TFB1M: variants seen among roughly 807,000 people sequenced by gnomAD.
TFB1M encodes the protein dimethyladenosine transferase 1, mitochondrial.
TFB1M carries 27 observed loss-of-function variants against 31.1 expected under a neutral mutation model. The ratio of observed to expected loss-of-function variants is 0.87; its 90% CI spans 0.64 to 1.20. The LOEUF is 1.20. TFB1M is among the 50% of genes most tolerant of loss of function. The probability of loss-of-function intolerance (pLI) is 0.00; values close to 1 mark genes in which losing one functional copy is unlikely to be tolerated. For missense variants in TFB1M, 394 were observed against 418.7 expected (o/e 0.94, Z 0.51); for synonymous variants, 166 against 151.8 (o/e 1.09, Z -0.69).
At chr6:155,282,378 T>C (rs550653102) in intron 5 of TFB1M, among the ~76,000 whole-genome samples, 3 of 152,274 alleles carry the variant, frequency 2.0e-5, no homozygotes, top group South Asian at 2.1e-4. Context: ...AGTTAAAAGA[T>C]TGAGAAACAG....
At chr6:155,241,747 A>T in the TFB1M span, among the ~76,000 whole-genome samples, 1 of 152,038 alleles carries the variant, frequency 6.6e-6, no homozygotes, top group African/African-American at 2.4e-5. Context: ...ATTTTCCATT[A>T]TGTCTTGTCC....
At chr6:155,305,145 T>C (rs1448014372) in intron 2 of TFB1M, among the ~76,000 whole-genome samples, 1 of 113,270 alleles carries the variant, frequency 8.8e-6, no homozygotes, top group African/African-American at 3.4e-5. Context: ...TATATTTATA[T>C]ATATAAATAT....
chr6:155,252,961 G>A (rs377260703), downstream of TFB1M: 59 of 1,613,946 alleles, frequency 3.7e-5, no homozygotes, highest in African/African-American at 4.1e-4. Flanking sequence ...TCGAATTCCC[G>A]GCCTGCACAC....
intron 5 of TFB1M, chr6:155,264,335 T>TA (rs1784525571): frequency 1.3e-5 from 2 of 152,206 alleles, no homozygotes; most frequent in Admixed American, 1.3e-4. Flanking sequence ...ATGCCTGTGA[T>TA]ATGATAATTA....
intron 4 of TFB1M, among the ~76,000 whole-genome samples, chr6:155,292,315 G>A (rs1776965051): frequency 1.3e-5 from 2 of 152,178 alleles, no homozygotes; most frequent in African/African-American, 4.8e-5. Context: ...ACAGGAGAGG[G>A]AGAGAGAATG....
chr6:155,285,171 A>C lies in TFB1M; in HGVS notation c.653T>G (p.Val218Gly). The C allele has an allele frequency of 6.2e-7, 1 of 1,614,002 alleles. No homozygotes were observed. The highest frequency in any genetic ancestry group is 8.5e-7 in the Non-Finnish European group (1 of 1,179,872). ...HIFTIPGQAFVPKPEVDVGVV... is the reference protein window; with the variant it reads ...HIFTIPGQAFGPKPEVDVGVV... ...GCAGAAACTTACCTCTGGTTTGGGGACAAAAGCTTGTCCTGGAATCGTAAA... is the reference window on the plus strand; with the variant it reads ...GCAGAAACTTACCTCTGGTTTGGGGCCAAAAGCTTGTCCTGGAATCGTAAA... The change falls in exon 5 of 7, where the codon GTC (valine) becomes GGC (glycine). Residue 218 changes from valine (V) to glycine (G), a missense_variant. This residue lies in a region of TFB1M where 115 missense variants were observed against 144.1 expected (regional missense o/e 0.80). Coordinates refer to ENST00000367166, the MANE Select transcript of TFB1M (RefSeq NM_016020.4).
the TFB1M span, among the ~76,000 whole-genome samples, chr6:155,236,449 G>A: frequency 6.6e-6 from 1 of 152,076 alleles, no homozygotes; most frequent in South Asian, 2.1e-4. Context: ...GATCACCTGA[G>A]GTCAGGAGTT....
At chr6:155,252,243 G>A (rs1264836139), downstream of TFB1M, among the ~76,000 whole-genome samples, 1 of 152,198 alleles carries the variant, frequency 6.6e-6, no homozygotes, top group African/African-American at 2.4e-5. Flanking sequence ...AGCACTTTGG[G>A]AGGCTGAGGC....
Position 155,257,603 on chromosome 6 carries a change from T to G in TFB1M, c.*233A>C. The G allele has an allele frequency of 1.9e-6, 1 of 514,260 alleles. No individual in the cohort carries two copies. The highest frequency in any genetic ancestry group is 3.5e-5 in the East Asian group (1 of 28,668). The allele number at this position is 514,260 out of a possible 1,614,324, so 31.9% of individuals were successfully genotyped here. A position where few individuals can be genotyped will look rare whatever the true frequency, so the allele number is the denominator to read the frequency against. On this transcript the variant is annotated 3_prime_UTR_variant, in exon 7 of 7. Coordinates refer to ENST00000367166, the MANE Select transcript of TFB1M (RefSeq NM_016020.4). ...TAAGATAGATTGTAATAGATGCTGT[T>G]TATACTAAACATGTCATAACTATCT...
the TFB1M span, among the ~76,000 whole-genome samples, chr6:155,238,423 T>A: frequency 6.6e-6 from 1 of 152,346 alleles, no homozygotes; most frequent in African/African-American, 2.4e-5. Flanking sequence ...GCTCTGAAGT[T>A]GCCTCCACGT....
intron 4 of TFB1M, among the ~76,000 whole-genome samples, chr6:155,296,341 C>A (rs1004715937): frequency 1.4e-4 from 21 of 151,856 alleles, no homozygotes; most frequent in Admixed American, 1.3e-3. Context: ...CTCACTGCAA[C>A]CTCCGCCTCC....
At chr6:155,233,990 A>G in the TFB1M span, among the ~76,000 whole-genome samples, 1 of 113,256 alleles carries the variant, frequency 8.8e-6, no homozygotes, top group African/African-American at 3.2e-5. Flanking sequence ...ACAATTTGAG[A>G]GAAAATTTTT....
At chr6:155,297,572 A>C (rs976536377) in intron 3 of TFB1M, among the ~76,000 whole-genome samples, 1 of 152,220 alleles carries the variant, frequency 6.6e-6, no homozygotes, top group African/African-American at 2.4e-5. Context: ...GCCCAAAAAG[A>C]AAAACCCCAG....
chr6:155,244,950 A>C, the TFB1M span: 15 of 874,876 alleles, frequency 1.7e-5, no homozygotes, highest in Non-Finnish European at 2.4e-5. Context: ...TGGTAAAGGA[A>C]GGCTGTATAT....
At chr6:155,276,561 G>A in intron 5 of TFB1M, 1 of 542,178 alleles carries the variant, frequency 1.8e-6, no homozygotes, top group Middle Eastern at 4.8e-4. Flanking sequence ...TCTGTCTGAA[G>A]AGTTCTTTAT....
chr6:155,269,675 A>G (rs9322507), intron 5 of TFB1M, among the ~76,000 whole-genome samples: 1 of 151,954 alleles, frequency 6.6e-6, no homozygotes. Context: ...TTGAGAATTA[A>G]GTATTATAGC....
At chr6:155,233,256 G>A in the TFB1M span, among the ~76,000 whole-genome samples, 1 of 152,212 alleles carries the variant, frequency 6.6e-6, no homozygotes, top group Admixed American at 6.5e-5. Flanking sequence ...TGATGTCTCT[G>A]AATAAGACAA....
In TFB1M at chr6:155,257,211, A is replaced by AC; in HGVS notation, c.*624dup. The AC allele has an allele frequency of 8.9e-7, 1 of 1,125,940 alleles. No individual in the cohort carries two copies. The highest frequency in any genetic ancestry group is 1.2e-6 in the Non-Finnish European group (1 of 805,622). The allele number at this position is 1,125,940 out of a possible 1,614,324, so 69.7% of individuals were successfully genotyped here. A position where few individuals can be genotyped will look rare whatever the true frequency, so the allele number is the denominator to read the frequency against. On this transcript the variant is annotated 3_prime_UTR_variant, in exon 7 of 7. Transcript: ENST00000367166. ...ATTGCAAAAAAAAAAAAAAAAAAAA[A>AC]CTGTTCATTCCTGGGTTTTGTGCAG...
At position 155,314,442 on chromosome 6, in the gene TFB1M, C is replaced by CA. The variant is rs1173075918; in HGVS notation, c.-15dup. 4.3e-6 allele frequency: 7 copies of CA among 1,613,958 alleles called. No individual in the cohort carries two copies. In the African/African-American group the frequency reaches 9.3e-5, roughly 22 times the overall value. ...GGAGGCAGCCATGATACGCGGCAAGCACCATCCAACCCTACCTCACCCAGG... is the reference window on the plus strand; with the variant it reads ...GGAGGCAGCCATGATACGCGGCAAGCAACCATCCAACCCTACCTCACCCAGG... On this transcript the variant is annotated 5_prime_UTR_variant, in exon 1 of 7. Coordinates refer to ENST00000367166, the MANE Select transcript of TFB1M (RefSeq NM_016020.4).
Sources: gnomAD v4.1 joint callset for allele counts (sites outside exome capture counted in the v4.1 genomes callset) on GRCh38, gnomAD v4.1.1 for gene constraint, gnomAD v4.1.1 regional missense constraint, MANE v1.5 for transcripts, NCBI Gene and HGNC (gene_info 2026-07-23, HGNC 2026-07-21) for gene names.